The following LSAMP variants were observed in gnomAD, a reference collection of about 807,000 sequenced individuals.
The protein encoded by LSAMP is limbic system-associated membrane protein.
In LSAMP, 7 loss-of-function variants were observed where a neutral mutation model predicts 38.6. The ratio of observed to expected loss-of-function variants is 0.18; its 90% CI spans 0.10 to 0.34. The LOEUF (loss-of-function observed/expected upper bound fraction) is 0.34, where lower values mean the gene tolerates loss of function less well. Ranked by LOEUF, LSAMP falls within the 10% of genes least tolerant of loss-of-function variation. The pLI, the probability that LSAMP is intolerant of heterozygous loss-of-function variation, is 1.00. For synonymous variants in LSAMP, 154 were observed against 166.8 expected (o/e 0.92, Z 0.59); for missense variants, 313 against 420.0 (o/e 0.75, Z 2.23).
chr3:115,990,447 T>C (rs929895104), intron 3 of LSAMP, among the ~76,000 whole-genome samples: 13 of 152,080 alleles, frequency 8.5e-5, no homozygotes, highest in African/African-American at 2.9e-4. Flanking sequence ...AAATAAATTC[T>C]GTGACCTAGT....
At chr3:115,994,944 A>T (rs1200757926) in intron 3 of LSAMP, among the ~76,000 whole-genome samples, 1 of 152,056 alleles carries the variant, frequency 6.6e-6, no homozygotes, top group Non-Finnish European at 1.5e-5. Context: ...GTCAAGTCTG[A>T]TACAGGTATA....
At chr3:115,960,952 C>T (rs192349598) in intron 3 of LSAMP, among the ~76,000 whole-genome samples, 6 of 152,296 alleles carry the variant, frequency 3.9e-5, no homozygotes, top group Admixed American at 2.0e-4. Flanking sequence ...GGTGTGCCTG[C>T]GCCTGCAGTA....
intron 1 of LSAMP, among the ~76,000 whole-genome samples, chr3:116,144,466 T>G (rs1390799404): frequency 6.6e-6 from 1 of 151,746 alleles, no homozygotes; most frequent in African/African-American, 2.4e-5. Context: ...GAGGCAGCAG[T>G]AAGCCATGAA....
intron 1 of LSAMP, among the ~76,000 whole-genome samples, chr3:116,110,069 G>C (rs1265571341): frequency 6.6e-6 from 1 of 152,044 alleles, no homozygotes; most frequent in African/African-American, 2.4e-5. Context: ...AGGAATTGGG[G>C]GTTCTTGCCC....
chr3:116,167,185 C>T (rs558140262), intron 1 of LSAMP, among the ~76,000 whole-genome samples: 16 of 152,112 alleles, frequency 1.1e-4, no homozygotes, highest in Non-Finnish European at 2.4e-4. Context: ...GATGTCAGTG[C>T]ACCTGTCACC....
At chr3:116,394,897 T>A (rs1374333274) in intron 1 of LSAMP, among the ~76,000 whole-genome samples, 2 of 152,200 alleles carry the variant, frequency 1.3e-5, no homozygotes, top group Non-Finnish European at 2.9e-5. Context: ...GATACATAGT[T>A]GCATTTATGT....
chr3:116,062,160 G>C (rs1475193491), intron 2 of LSAMP, among the ~76,000 whole-genome samples: 1 of 152,102 alleles, frequency 6.6e-6, no homozygotes, highest in Non-Finnish European at 1.5e-5. Flanking sequence ...TACTTTACTG[G>C]GTCTCAGCTC....
chr3:116,289,554 C>A (rs770934437), intron 1 of LSAMP, among the ~76,000 whole-genome samples: 3 of 152,066 alleles, frequency 2.0e-5, no homozygotes, highest in Non-Finnish European at 4.4e-5. Context: ...ACTTTGCAAT[C>A]AATTTCCCCT....
intron 3 of LSAMP, among the ~76,000 whole-genome samples, chr3:115,891,143 T>A (rs1936588652): frequency 6.6e-6 from 1 of 151,952 alleles, no homozygotes; most frequent in Non-Finnish European, 1.5e-5. Context: ...AGAGGCAGAT[T>A]TACTGGATAC....
At chr3:116,428,207 G>A (rs967359648) in intron 1 of LSAMP, among the ~76,000 whole-genome samples, 6 of 152,222 alleles carry the variant, frequency 3.9e-5, no homozygotes, top group African/African-American at 1.2e-4. Context: ...TTATTAAGAA[G>A]ATCTTTTTTT....
chr3:116,241,658 A>T (rs892931255), intron 1 of LSAMP, among the ~76,000 whole-genome samples: 4 of 152,216 alleles, frequency 2.6e-5, no homozygotes, highest in African/African-American at 4.8e-5. Context: ...CAAAATAAAT[A>T]AAATTATGAC....
rs1235264105 is a variant in LSAMP at position 115,832,597 on chromosome 3, G to A, written c.919+9248C>T. 3.3e-5 allele frequency among the ~76,000 whole-genome samples: 5 copies of A among 152,154 alleles called. No individual in the cohort carries two copies. The South Asian group carries it at 1.0e-3, about 32-fold the overall frequency. ...CTCGATTGGAAAGAGGAGAAGAAAA[G>A]TGATTCAATCCCTAAGAAGTTAAAG... is the stretch of plus-strand genomic sequence containing the variant. On this transcript the variant is annotated intron_variant, in intron 6 of 6. Coordinates refer to ENST00000490035, the MANE Select transcript of LSAMP (RefSeq NM_002338.5).
Position 116,240,297 on chromosome 3 carries a change from T to G in LSAMP, c.156-153741A>C, listed in dbSNP as rs150122621. ...TGGAGCTTTTGTAAGATGGCAGACT[T>G]TAGTGAGAAAACCATGTCAGTGGAC... On this transcript the variant is annotated intron_variant, in intron 1 of 6. Coordinates refer to ENST00000490035, the MANE Select transcript of LSAMP (RefSeq NM_002338.5). 2.5e-3 allele frequency among the ~76,000 whole-genome samples: 376 copies of G among 152,290 alleles called. 3 individuals carry two copies. The highest frequency in any genetic ancestry group is 8.6e-3 in the African/African-American group (359 of 41,564).
chr3:116,037,272 T>C (rs906488441), intron 2 of LSAMP, among the ~76,000 whole-genome samples: 2 of 152,166 alleles, frequency 1.3e-5, no homozygotes, highest in African/African-American at 4.8e-5. Context: ...ATATTTCTAG[T>C]ACAGAAGCTA....
intron 2 of LSAMP, among the ~76,000 whole-genome samples, chr3:116,070,406 T>C (rs1185556201): frequency 6.6e-6 from 1 of 152,116 alleles, no homozygotes; most frequent in Non-Finnish European, 1.5e-5. Context: ...GAGTTGCTCG[T>C]GGTTAGAGAC....
chr3:115,813,251 T>C (rs939334535), intron 6 of LSAMP, among the ~76,000 whole-genome samples: 3 of 152,150 alleles, frequency 2.0e-5, no homozygotes, highest in Non-Finnish European at 4.4e-5. Flanking sequence ...TATAAAGTTA[T>C]AGCACTGCAT....
At chr3:116,108,305 G>A (rs943365117) in intron 1 of LSAMP, among the ~76,000 whole-genome samples, 1 of 148,080 alleles carries the variant, frequency 6.8e-6, no homozygotes, top group African/African-American at 2.7e-5. Context: ...AGGGAACTGG[G>A]CAGGTGGGGA....
At chr3:115,849,208 G>A (rs1019236480) in intron 4 of LSAMP, among the ~76,000 whole-genome samples, 9 of 152,154 alleles carry the variant, frequency 5.9e-5, no homozygotes, top group Admixed American at 2.0e-4. Flanking sequence ...TTAGCTTTCC[G>A]TAAATTCCAG....
chr3:116,401,287 A>C (rs1194107170), intron 1 of LSAMP, among the ~76,000 whole-genome samples: 1 of 149,820 alleles, frequency 6.7e-6, no homozygotes, highest in Non-Finnish European at 1.5e-5. Flanking sequence ...CCTTGGTGAC[A>C]TTTTTTTTTT....
Sources: gnomAD v4.1 joint callset for allele counts (sites outside exome capture counted in the v4.1 genomes callset) on GRCh38, gnomAD v4.1.1 for gene constraint, MANE v1.5 for transcripts, NCBI Gene and HGNC (gene_info 2026-07-23, HGNC 2026-07-21) for gene names.